Variants in PAPPA observed in about 807,000 individuals in gnomAD.
PAPPA encodes the protein pappalysin-1.
PAPPA carries 60 observed loss-of-function variants against 164.0 expected under a neutral mutation model. The observed-to-expected ratio is 0.37, with a 90% CI of 0.30 to 0.45. The LOEUF (loss-of-function observed/expected upper bound fraction) is 0.45, where lower values mean the gene tolerates loss of function less well. Among genes scored for constraint, PAPPA ranks in the 20% least tolerant of loss-of-function variants. The pLI is 1.00. For synonymous variants in PAPPA, 875 were observed against 814.1 expected, an observed-to-expected ratio of 1.07 and a Z score of -1.27; for missense variants, 1,782 against 2,087.3, an observed-to-expected ratio of 0.85 and a Z score of 2.85.
intron 7 of PAPPA, among the ~76,000 whole-genome samples, chr9:116,241,905 C>T (rs1246841932): frequency 1.3e-5 from 2 of 152,016 alleles, no homozygotes; most frequent in African/African-American, 2.4e-5. Context: ...CTTTTTATAG[C>T]TCTTTCCGTT....
intron 10 of PAPPA, 76 bp downstream of exon 10, chr9:116,303,026 C>T (rs2118891795): frequency 7.9e-7 from 1 of 1,268,184 alleles, no homozygotes; most frequent in East Asian, 2.4e-5. Context: ...CTACTCACCT[C>T]TAAGGCAGTG....
At chr9:116,394,707 C>T (rs1321452783) in intron 21 of PAPPA, among the ~76,000 whole-genome samples, 1 of 152,146 alleles carries the variant, frequency 6.6e-6, no homozygotes, top group Non-Finnish European at 1.5e-5. Flanking sequence ...AGTAAATGTC[C>T]TAAACAGAGA....
At chr9:116,396,473 A>G in intron 21 of PAPPA, 36 bp from the exon 22 acceptor site, 1 of 780,286 alleles carries the variant, frequency 1.3e-6, no homozygotes, top group Non-Finnish European at 2.4e-6. Flanking sequence ...TTACTGCTTC[A>G]GACCAAATCA....
At chr9:116,346,453 G>C (rs1447873797) in intron 14 of PAPPA, among the ~76,000 whole-genome samples, 1 of 152,164 alleles carries the variant, frequency 6.6e-6, no homozygotes. Flanking sequence ...GAGAACTCAA[G>C]TAAGGAAAAG....
At chr9:116,164,611 T>C (rs1350895393) in intron 1 of PAPPA, among the ~76,000 whole-genome samples, 2 of 152,220 alleles carry the variant, frequency 1.3e-5, no homozygotes, top group Non-Finnish European at 2.9e-5. Context: ...AAGCCAGTGG[T>C]CCAACCTGTA....
chr9:116,238,602 T>C (rs930127020), intron 7 of PAPPA, among the ~76,000 whole-genome samples: 5 of 152,160 alleles, frequency 3.3e-5, no homozygotes, highest in Non-Finnish European at 1.5e-5. Context: ...TGCCAAATCA[T>C]CAGTAGTGAG....
rs1253487901 is a variant in PAPPA, at chr9:116,249,435, G to A, written c.2732+13798G>A. 2.0e-5 allele frequency among the ~76,000 whole-genome samples: 3 copies of A among 152,302 alleles called. No individual in the cohort carries two copies. The East Asian group carries it at 5.8e-4, about 29-fold the overall frequency. ...CATGATGATCCCAGAGTTCATTGCT[G>A]TAAGGTCTGGACTTCATCCTGAGAG... On this transcript the variant is annotated intron_variant, in intron 7 of 21. Coordinates refer to ENST00000328252, the MANE Select transcript of PAPPA (RefSeq NM_002581.5).
chr9:116,189,618 A>T (rs1310110191), intron 2 of PAPPA, among the ~76,000 whole-genome samples: 1 of 152,188 alleles, frequency 6.6e-6, no homozygotes, highest in East Asian at 1.9e-4. Context: ...ACTCAAGGGT[A>T]ACCTGTATTA....
Position 116,226,763 on chromosome 9 carries a change from C to G in PAPPA, c.2112-668C>G, listed in dbSNP as rs992697471. Among the ~76,000 whole-genome samples the G allele has an allele frequency of 2.6e-5, 4 of 152,310 alleles. No homozygotes were observed. In the East Asian group the frequency reaches 7.7e-4, roughly 29 times the overall value. On this transcript the variant is annotated intron_variant, in intron 5 of 21. Coordinates refer to ENST00000328252, the MANE Select transcript of PAPPA (RefSeq NM_002581.5). ...ACAAGACCCAACTTGGTAGGGGAAG[C>G]CATCATAATATTCCACTTCTGGGAC...
At chr9:116,291,116 C>G (rs2035219498) in intron 9 of PAPPA, among the ~76,000 whole-genome samples, 2 of 152,122 alleles carry the variant, frequency 1.3e-5, no homozygotes, top group African/African-American at 4.8e-5. Context: ...GGATTACTAT[C>G]TTTGCTTACA....
chr9:116,285,845 T>C (rs557718112), intron 9 of PAPPA: 66 of 152,318 alleles, frequency 4.3e-4, no homozygotes, highest in African/African-American at 1.4e-3. Context: ...TAAGAGACAG[T>C]TTTATTTTTC....
chr9:116,285,523 T>C (rs1845327344), intron 9 of PAPPA, among the ~76,000 whole-genome samples: 1 of 152,216 alleles, frequency 6.6e-6, no homozygotes, highest in South Asian at 2.1e-4. Flanking sequence ...TGCTGGAATG[T>C]GCTCCTCACC....
intron 2 of PAPPA, among the ~76,000 whole-genome samples, chr9:116,201,709 C>T (rs758904207): frequency 6.6e-6 from 1 of 152,116 alleles, no homozygotes; most frequent in Non-Finnish European, 1.5e-5. Flanking sequence ...AATTGAGATA[C>T]CAAGTGACAG....
intron 9 of PAPPA, among the ~76,000 whole-genome samples, chr9:116,272,007 C>G (rs942492255): frequency 6.6e-6 from 1 of 152,152 alleles, no homozygotes; most frequent in African/African-American, 2.4e-5. Flanking sequence ...AATAGCAGAC[C>G]AGCCTGTGTT....
intron 7 of PAPPA, among the ~76,000 whole-genome samples, chr9:116,246,519 A>G (rs1048829035): frequency 6.6e-6 from 1 of 152,194 alleles, no homozygotes; most frequent in African/African-American, 2.4e-5. Context: ...GACATTAAGA[A>G]ACTTCCCTCT....
intron 5 of PAPPA, among the ~76,000 whole-genome samples, chr9:116,222,493 C>T (rs866263767): frequency 6.6e-6 from 1 of 152,064 alleles, no homozygotes; most frequent in African/African-American, 2.4e-5. Context: ...TGTATAGACA[C>T]AATGGAATAC....
intron 13 of PAPPA, 84 bp downstream of exon 13, chr9:116,335,158 G>A: frequency 8.7e-7 from 1 of 1,152,380 alleles, no homozygotes; most frequent in African/African-American, 1.5e-5. Flanking sequence ...AGCCATTTGT[G>A]TGGATGTAAA....
At chr9:116,370,553 A>G (rs1025707974) in intron 19 of PAPPA, among the ~76,000 whole-genome samples, 4 of 152,122 alleles carry the variant, frequency 2.6e-5, no homozygotes, top group African/African-American at 7.2e-5. Flanking sequence ...GCATTTCCCA[A>G]TTTCTGTGAT....
intron 7 of PAPPA, among the ~76,000 whole-genome samples, chr9:116,236,572 G>A (rs1844670638): frequency 7.0e-6 from 1 of 142,624 alleles, no homozygotes; most frequent in Non-Finnish European, 1.5e-5. Flanking sequence ...GGCCACAAGA[G>A]TGAAACTCCA....
Sources: allele counts gnomAD v4.1 joint callset (sites outside exome capture counted in the v4.1 genomes callset), GRCh38; gene constraint gnomAD v4.1.1; transcripts MANE v1.5; gene names NCBI Gene and HGNC (gene_info 2026-07-23, HGNC 2026-07-21).